Variants in CNTN4 observed in about 807,000 individuals in gnomAD.
The protein encoded by CNTN4 is contactin-4.
In CNTN4, 77 loss-of-function variants were observed where a neutral mutation model predicts 122.5. That is an observed-to-expected ratio of 0.63 (90% CI 0.52 to 0.76). CNTN4 has a LOEUF of 0.76. Ranked by LOEUF, CNTN4 falls within the 30% of genes least tolerant of loss-of-function variation. The pLI, the probability that CNTN4 is intolerant of heterozygous loss-of-function variation, is 0.00. For missense variants in CNTN4, 1,256 were observed against 1,259.1 expected (o/e 1.00, Z 0.04); for synonymous variants, 512 against 447.0 (o/e 1.15, Z -1.83).
intron 2 of CNTN4, among the ~76,000 whole-genome samples, chr3:2,257,849 G>T (rs2149724044): frequency 6.6e-6 from 1 of 152,196 alleles, no homozygotes; most frequent in African/African-American, 2.4e-5. Context: ...CGATCACGAG[G>T]TCAGGAGTTG....
At chr3:2,600,834 C>G (rs1359129231) in intron 4 of CNTN4, among the ~76,000 whole-genome samples, 1 of 152,194 alleles carries the variant, frequency 6.6e-6, no homozygotes, top group East Asian at 1.9e-4. Flanking sequence ...AAAAGTGTTC[C>G]TATTTCTCCA....
chr3:2,961,252 G>GAAAAAAAAAAAAAAA (rs2094856035), intron 13 of CNTN4, among the ~76,000 whole-genome samples: 2 of 90,070 alleles, frequency 2.2e-5, no homozygotes, highest in Non-Finnish European at 4.8e-5. Context: ...AAAAAAAAAG[G>GAAAAAAAAAAAAAAA]CCTACTGAAT....
chr3:2,705,836 A>T (rs184482950), intron 4 of CNTN4, among the ~76,000 whole-genome samples: 7,360 of 104,832 alleles, frequency 0.07, 311 homozygotes, highest in South Asian at 0.13. Context: ...AAATATATAT[A>T]ATATATAATA....
chr3:2,219,249 A>G (rs1178167813), intron 2 of CNTN4, among the ~76,000 whole-genome samples: 1 of 152,146 alleles, frequency 6.6e-6, no homozygotes, highest in Admixed American at 6.5e-5. Context: ...TATCTTGGCT[A>G]TTGCTTAACA....
chr3:2,670,306 T>G (rs1268673245), intron 4 of CNTN4, among the ~76,000 whole-genome samples: 1 of 152,226 alleles, frequency 6.6e-6, no homozygotes, highest in Non-Finnish European at 1.5e-5. Flanking sequence ...TTTAGGATAG[T>G]TAGCTCTTCT....
intron 6 of CNTN4, among the ~76,000 whole-genome samples, chr3:2,813,780 C>T (rs933470677): frequency 1.3e-5 from 2 of 152,142 alleles, no homozygotes; most frequent in Non-Finnish European, 2.9e-5. Context: ...ACTTCTTCCC[C>T]AGCTCTAAAT....
chr3:2,577,198 T>C lies in CNTN4; in HGVS notation c.55+5640T>C, dbSNP rs528796533. Reference sequence around the variant, plus strand: ...CTAAACTGCTTGGAAGTCCTGCTCTTAGCCTCTACTTTTAGGGGAGTCCAA... The same window carrying C: ...CTAAACTGCTTGGAAGTCCTGCTCTCAGCCTCTACTTTTAGGGGAGTCCAA... On this transcript the variant is annotated intron_variant, in intron 4 of 24. Transcript: ENST00000418658. Among the ~76,000 whole-genome samples the C allele has an allele frequency of 2.0e-5, 3 of 152,302 alleles. No homozygotes were observed. In the South Asian group the frequency reaches 6.2e-4, roughly 32 times the overall value.
chr3:2,119,260 C>T (rs1051265632), intron 2 of CNTN4, among the ~76,000 whole-genome samples: 1 of 152,186 alleles, frequency 6.6e-6, no homozygotes, highest in African/African-American at 2.4e-5. Flanking sequence ...TCCATAATCA[C>T]GTAAGCCAAT....
At chr3:2,496,133 A>C (rs1168735071) in intron 3 of CNTN4, among the ~76,000 whole-genome samples, 1 of 152,222 alleles carries the variant, frequency 6.6e-6, no homozygotes, top group African/African-American at 2.4e-5. Context: ...AAGTTAATCA[A>C]ATGTTTCCTC....
chr3:2,297,533 C>T (rs191752900), intron 2 of CNTN4, among the ~76,000 whole-genome samples: 26 of 152,254 alleles, frequency 1.7e-4, no homozygotes, highest in African/African-American at 4.6e-4. Flanking sequence ...TCCCATACAT[C>T]GTCTGTCTGA....
At chr3:2,496,011 T>C (rs183866202) in intron 3 of CNTN4, among the ~76,000 whole-genome samples, 38 of 152,356 alleles carry the variant, frequency 2.5e-4, no homozygotes, top group Non-Finnish European at 4.1e-4. Context: ...GATAGATTTA[T>C]GCACAAGCGG....
At chr3:2,224,211 G>T (rs2039175398) in intron 2 of CNTN4, among the ~76,000 whole-genome samples, 1 of 152,114 alleles carries the variant, frequency 6.6e-6, no homozygotes, top group Non-Finnish European at 1.5e-5. Context: ...ATATTTTAGG[G>T]TGGCACATTC....
At chr3:2,747,341 G>GCA (rs2089838013) in intron 6 of CNTN4, among the ~76,000 whole-genome samples, 2 of 150,590 alleles carry the variant, frequency 1.3e-5, no homozygotes, top group African/African-American at 5.0e-5. Context: ...CCCGGGAGGC[G>GCA]GAGCTTGCAG....
chr3:2,942,500 T>C (rs1323289763), intron 13 of CNTN4, among the ~76,000 whole-genome samples: 3 of 152,198 alleles, frequency 2.0e-5, no homozygotes, highest in Non-Finnish European at 4.4e-5. Context: ...GCAGTTGATA[T>C]AAGATTTCAT....
chr3:2,813,407 G>A (rs1447359745), intron 6 of CNTN4, among the ~76,000 whole-genome samples: 1 of 152,154 alleles, frequency 6.6e-6, no homozygotes, highest in African/African-American at 2.4e-5. Context: ...CAGGAAAAAA[G>A]TGAATTGGTA....
intron 2 of CNTN4, among the ~76,000 whole-genome samples, chr3:2,178,424 A>G (rs1364089533): frequency 6.6e-6 from 1 of 151,848 alleles, no homozygotes; most frequent in African/African-American, 2.4e-5. Context: ...TTGCTTTAAT[A>G]GATTCATGTT....
At chr3:2,604,960 G>A (rs776236245) in intron 4 of CNTN4, among the ~76,000 whole-genome samples, 3 of 151,896 alleles carry the variant, frequency 2.0e-5, no homozygotes, top group African/African-American at 7.3e-5. Flanking sequence ...TATTGTAGGG[G>A]AGATCTCCAG....
At chr3:2,703,319 T>G (rs1233619052) in intron 4 of CNTN4, among the ~76,000 whole-genome samples, 1 of 152,220 alleles carries the variant, frequency 6.6e-6, no homozygotes, top group Non-Finnish European at 1.5e-5. Flanking sequence ...ATTGCAATGT[T>G]TGTGCATCAC....
intron 3 of CNTN4, among the ~76,000 whole-genome samples, chr3:2,485,188 C>T (rs1174531912): frequency 6.6e-6 from 1 of 152,248 alleles, no homozygotes; most frequent in African/African-American, 2.4e-5. Flanking sequence ...CAGAGCCTCT[C>T]CCCCTGTGGC....
Sources: allele counts gnomAD v4.1 joint callset (sites outside exome capture counted in the v4.1 genomes callset), GRCh38; gene constraint gnomAD v4.1.1; transcripts MANE v1.5; gene names NCBI Gene and HGNC (gene_info 2026-07-23, HGNC 2026-07-21).